SLC24A4: variants seen among roughly 807,000 people sequenced by gnomAD.
SLC24A4 encodes the protein sodium/potassium/calcium exchanger 4.
Under a neutral mutation model 79.0 loss-of-function variants are expected in SLC24A4, and 53 were observed. That is an observed-to-expected ratio of 0.67 (90% CI 0.54 to 0.84). SLC24A4 has a LOEUF of 0.84. SLC24A4 is among the 40% of genes least tolerant of loss of function. SLC24A4 has a pLI of 0.00. For missense variants in SLC24A4, 731 were observed against 822.0 expected (o/e 0.89, Z 1.35); for synonymous variants, 323 against 323.8 (o/e 1.00, Z 0.03).
At chr14:92,479,498 G>A (rs1206782355) in intron 12 of SLC24A4, among the ~76,000 whole-genome samples, 3 of 152,170 alleles carry the variant, frequency 2.0e-5, no homozygotes, top group African/African-American at 7.2e-5. Context: ...TTAATGTAAT[G>A]TTTTACATTG....
chr14:92,418,412 T>C (rs1010231090), intron 2 of SLC24A4, among the ~76,000 whole-genome samples: 3 of 152,216 alleles, frequency 2.0e-5, no homozygotes, highest in Admixed American at 1.3e-4. Flanking sequence ...CATAGTCCAG[T>C]GCACTGGTCA....
At position 92,459,630 on chromosome 14, in the gene SLC24A4, G is replaced by T. The variant is rs117056899; in HGVS notation, c.1255+3022G>T. Among the ~76,000 whole-genome samples the T allele has an allele frequency of 1.2e-3, 183 of 152,240 alleles. 4 individuals carry two copies. In the East Asian group the frequency reaches 0.031, roughly 26 times the overall value. On this transcript the variant is annotated intron_variant, in intron 12 of 16. Coordinates refer to ENST00000532405, the MANE Select transcript of SLC24A4 (RefSeq NM_153646.4). ...ATCCCAGGGGAAACCTCCTTTGTGC[G>T]TCTGCGGATGTGTTTCCAGGTGTTG...
Position 92,441,077 on chromosome 14 carries a change from C to T in SLC24A4, c.394-1012C>T, listed in dbSNP as rs1433300917. Among the ~76,000 whole-genome samples the T allele has an allele frequency of 1.3e-5, 2 of 152,120 alleles. No individual in the cohort carries two copies. Among genetic ancestry groups the T allele is most frequent in the African/African-American group, 4.8e-5 (2 of 41,424 alleles). ...GATGCTGTGCCCCCACCCCAGACTCCGTCAAGCCCAGAGCTCTAACCCTTC... is the reference window on the plus strand; with the variant it reads ...GATGCTGTGCCCCCACCCCAGACTCTGTCAAGCCCAGAGCTCTAACCCTTC... On this transcript the variant is annotated intron_variant, in intron 4 of 16. Transcript: ENST00000532405. The surrounding 1 kb of genome is among the most constrained non-coding windows in gnomAD (Gnocchi z 4.6).
intron 3 of SLC24A4, among the ~76,000 whole-genome samples, chr14:92,435,575 T>C (rs1294719979): frequency 6.6e-6 from 1 of 152,194 alleles, no homozygotes; most frequent in African/African-American, 2.4e-5. Context: ...TTCCTCCTGA[T>C]CAGCTTCCCT....
chr14:92,349,046 A>G (rs1259318123), intron 2 of SLC24A4, among the ~76,000 whole-genome samples: 3 of 152,182 alleles, frequency 2.0e-5, no homozygotes, highest in East Asian at 1.9e-4. Flanking sequence ...TCACAAACAA[A>G]AAGGGGAAAA....
chr14:92,361,689 G>A (rs1302836128), intron 2 of SLC24A4, among the ~76,000 whole-genome samples: 1 of 152,164 alleles, frequency 6.6e-6, no homozygotes, highest in Non-Finnish European at 1.5e-5. Context: ...ACAAAGCAGG[G>A]TGATAATTAC....
chr14:92,343,899 C>T (rs951825037), intron 2 of SLC24A4, among the ~76,000 whole-genome samples: 10 of 152,052 alleles, frequency 6.6e-5, no homozygotes, highest in Non-Finnish European at 8.8e-5. Flanking sequence ...GGTGAGGTTT[C>T]ACCATGTTGG....
chr14:92,483,135 A>T (rs1895156195), intron 13 of SLC24A4, among the ~76,000 whole-genome samples: 1 of 152,144 alleles, frequency 6.6e-6, no homozygotes, highest in Admixed American at 6.5e-5. Context: ...AGGCAGAGCA[A>T]TATGACAGGT....
chr14:92,413,069 G>C (rs1890807582), intron 2 of SLC24A4, among the ~76,000 whole-genome samples: 1 of 152,206 alleles, frequency 6.6e-6, no homozygotes, highest in Non-Finnish European at 1.5e-5. Flanking sequence ...AGTTGCGGCA[G>C]AGACCATATG....
rs1318712914 is a variant in SLC24A4, at chr14:92,497,662, T to C, written c.*4034T>C. 1 of 152,244 alleles carries C rather than the reference T, an allele frequency of 6.6e-6. No individual in the cohort carries two copies. Among genetic ancestry groups the C allele is most frequent in the African/African-American group, 2.4e-5 (1 of 41,446 alleles). 9.4% of individuals were successfully genotyped at this position (152,244 alleles called of 1,614,324 possible). A position where few individuals can be genotyped will look rare whatever the true frequency, so the allele number is the denominator to read the frequency against. ...CTTAGGAAACTGGAACAGGGAAGGT[T>C]CTGTTACCACACTTTGGAACTTTCC... On this transcript the variant is annotated 3_prime_UTR_variant, in exon 17 of 17. Coordinates refer to ENST00000532405, the MANE Select transcript of SLC24A4 (RefSeq NM_153646.4).
At chr14:92,349,403 G>A (rs1018569240) in intron 2 of SLC24A4, among the ~76,000 whole-genome samples, 1 of 152,150 alleles carries the variant, frequency 6.6e-6, no homozygotes, top group Non-Finnish European at 1.5e-5. Flanking sequence ...CAAGTGATCC[G>A]CCCGCCTTGG....
intron 2 of SLC24A4, among the ~76,000 whole-genome samples, chr14:92,409,376 G>A (rs1472949456): frequency 2.6e-5 from 4 of 152,218 alleles, no homozygotes; most frequent in Non-Finnish European, 5.9e-5. Flanking sequence ...GCGTAGTGAC[G>A]GTGGAGCTGC....
At chr14:92,384,096 T>G (rs1296371355) in intron 2 of SLC24A4, among the ~76,000 whole-genome samples, 1 of 152,226 alleles carries the variant, frequency 6.6e-6, no homozygotes, top group African/African-American at 2.4e-5. Flanking sequence ...TGAATATTTC[T>G]GTCTGCCTTG....
At chr14:92,395,725 C>A (rs534502672) in intron 2 of SLC24A4, among the ~76,000 whole-genome samples, 1 of 152,288 alleles carries the variant, frequency 6.6e-6, no homozygotes, top group South Asian at 2.1e-4. Context: ...TGTGCCCATG[C>A]AGAGAGCTGG....
intron 2 of SLC24A4, among the ~76,000 whole-genome samples, chr14:92,371,737 CAAAG>C (rs941151498): frequency 1.3e-5 from 2 of 152,232 alleles, no homozygotes; most frequent in Admixed American, 6.5e-5. Context: ...GGCCATGAGA[CAAAG>C]AACCTTAAAT....
chr14:92,446,804 G>A (rs1372400832), intron 8 of SLC24A4, among the ~76,000 whole-genome samples: 2 of 152,226 alleles, frequency 1.3e-5, no homozygotes, highest in African/African-American at 4.8e-5. Flanking sequence ...CTGCTAATGG[G>A]ATTGGGTGGG....
chr14:92,414,534 G>A (rs10467861), intron 2 of SLC24A4, among the ~76,000 whole-genome samples: 35,462 of 152,076 alleles, frequency 0.23, 4,337 homozygotes, highest in Non-Finnish European at 0.25. Context: ...CCCGGAGTAC[G>A]AGACCAGCCT....
At chr14:92,428,782 G>A (rs1333025957) in intron 2 of SLC24A4, among the ~76,000 whole-genome samples, 1 of 152,212 alleles carries the variant, frequency 6.6e-6, no homozygotes, top group Non-Finnish European at 1.5e-5. Context: ...TCCCTTGGGG[G>A]GAGGGGACCC....
At chr14:92,384,541 A>G (rs773866065) in intron 2 of SLC24A4, among the ~76,000 whole-genome samples, 28 of 152,120 alleles carry the variant, frequency 1.8e-4, no homozygotes, top group African/African-American at 4.8e-4. Context: ...GCCCTCAAGC[A>G]GGTAGATATA....
Sources: gnomAD v4.1 joint callset for allele counts (sites outside exome capture counted in the v4.1 genomes callset) on GRCh38, gnomAD v4.1.1 for gene constraint, Gnocchi (gnomAD v3.1) non-coding constraint, MANE v1.5 for transcripts, NCBI Gene and HGNC (gene_info 2026-07-23, HGNC 2026-07-21) for gene names.